The following KCND3 variants were observed in gnomAD, a reference collection of about 807,000 sequenced individuals.
KCND3 encodes the protein potassium voltage-gated channel subfamily D member 3, also known as A-type voltage-gated potassium channel KCND3.
A neutral mutation model predicts 51.1 loss-of-function variants in KCND3; 9 were observed. The ratio of observed to expected loss-of-function variants is 0.18; its 90% CI spans 0.11 to 0.31. The LOEUF is 0.31. KCND3 is among the 10% of genes least tolerant of loss of function. KCND3 has a pLI of 1.00. For missense variants in KCND3, 526 were observed against 903.8 expected (o/e 0.58, Z 5.36); for synonymous variants, 349 against 368.0 (o/e 0.95, Z 0.59).
intron 2 of KCND3, among the ~76,000 whole-genome samples, chr1:111,845,556 T>G (rs1250681023): frequency 6.7e-6 from 1 of 148,856 alleles, no homozygotes; most frequent in African/African-American, 2.4e-5. Context: ...CAGGGTCTCC[T>G]CCTGTTCTCA....
At chr1:111,852,077 C>G (rs942018423) in intron 2 of KCND3, among the ~76,000 whole-genome samples, 2 of 152,198 alleles carry the variant, frequency 1.3e-5, no homozygotes, top group Non-Finnish European at 1.5e-5. Context: ...GGTTTCTCCC[C>G]TGGAGGATGG....
At chr1:111,925,611 G>A (rs1377539709) in intron 2 of KCND3, among the ~76,000 whole-genome samples, 1 of 152,150 alleles carries the variant, frequency 6.6e-6, no homozygotes, top group African/African-American at 2.4e-5. Context: ...AATGGAACAA[G>A]AACACCTGCC....
chr1:111,899,391 A>G (rs777409607), intron 2 of KCND3, among the ~76,000 whole-genome samples: 31 of 152,328 alleles, frequency 2.0e-4, no homozygotes, highest in Non-Finnish European at 3.8e-4. Flanking sequence ...ATGAGCATCA[A>G]TTTGAAAATG....
chr1:111,833,874 T>C (rs145933383), intron 2 of KCND3, among the ~76,000 whole-genome samples: 2 of 151,952 alleles, frequency 1.3e-5, no homozygotes, highest in African/African-American at 4.8e-5. Flanking sequence ...AAAGAAAGAA[T>C]AAGGGAAACC....
intron 2 of KCND3, among the ~76,000 whole-genome samples, chr1:111,857,735 G>A (rs1668145239): frequency 6.6e-6 from 1 of 151,776 alleles, no homozygotes. Flanking sequence ...CACAGGTGCT[G>A]CCTCTGGGAG....
chr1:111,846,304 C>T (rs12754273), intron 2 of KCND3, among the ~76,000 whole-genome samples: 3,590 of 152,300 alleles, frequency 0.024, 72 homozygotes, highest in East Asian at 0.094. Flanking sequence ...GGCCACTGAA[C>T]ACACAGTTCC....
At chr1:111,809,458 A>G (rs1005655631) in intron 2 of KCND3, among the ~76,000 whole-genome samples, 8 of 151,734 alleles carry the variant, frequency 5.3e-5, no homozygotes, top group Non-Finnish European at 1.2e-4. Context: ...ACAGGCGCCC[A>G]CCACCACACC....
chr1:111,918,478 A>T (rs1429024942), intron 2 of KCND3, among the ~76,000 whole-genome samples: 1 of 152,162 alleles, frequency 6.6e-6, no homozygotes, highest in African/African-American at 2.4e-5. Flanking sequence ...AGATGAAAAG[A>T]CACAGTCCCA....
chr1:111,982,868 G>C lies in KCND3; in HGVS notation c.-72-70C>G. The C allele has an allele frequency of 8.3e-7, 1 of 1,198,254 alleles. No individual in the cohort carries two copies. Among genetic ancestry groups the C allele is most frequent in the Non-Finnish European group, 1.2e-6 (1 of 845,268 alleles). 74.2% of individuals were successfully genotyped at this position (1,198,254 alleles called of 1,614,324 possible). On this transcript the variant is annotated intron_variant, in intron 1 of 7. Transcript: ENST00000302127. This position sits in a 1 kb window ranked among gnomAD's most constrained non-coding sequence, Gnocchi z 8.5. ...ACTGGCAGGTAAGAAATGGGACACA[G>C]GAAAGGATCACTGGTGAGTGAAACG...
intron 2 of KCND3, among the ~76,000 whole-genome samples, chr1:111,960,851 CT>C (rs1334530743): frequency 1.3e-5 from 2 of 152,160 alleles, no homozygotes; most frequent in African/African-American, 4.8e-5. Context: ...GGTTTTAATT[CT>C]TCATCAGGAG....
rs530452518 is a variant in KCND3 at position 111,882,622 on chromosome 1, C to T, written c.1107-95516G>A. Among the ~76,000 whole-genome samples the T allele has an allele frequency of 3.8e-3, 581 of 152,090 alleles. 3 individuals carry two copies. The highest frequency in any genetic ancestry group is 5.2e-3 in the Non-Finnish European group (353 of 67,986). ...CTGAGGCTGGCTTCTGAGGTGTGGCCGGCTCAGTGCAGGGGGCGAGGGTGT... is the reference window on the plus strand; with the variant it reads ...CTGAGGCTGGCTTCTGAGGTGTGGCTGGCTCAGTGCAGGGGGCGAGGGTGT... On this transcript the variant is annotated intron_variant, in intron 2 of 7. Transcript: ENST00000302127.
chr1:111,967,566 C>A (rs949297492), intron 2 of KCND3, among the ~76,000 whole-genome samples: 31 of 152,322 alleles, frequency 2.0e-4, no homozygotes, highest in African/African-American at 7.2e-4. Flanking sequence ...GCCTCCCAGG[C>A]CTCTCTGCAG....
chr1:111,950,475 C>T (rs758109958), intron 2 of KCND3, among the ~76,000 whole-genome samples: 16 of 152,104 alleles, frequency 1.1e-4, no homozygotes, highest in Non-Finnish European at 1.6e-4. Flanking sequence ...GCTCTCCCCT[C>T]GATCCAGCCC....
intron 2 of KCND3, among the ~76,000 whole-genome samples, chr1:111,912,899 A>T (rs1671031983): frequency 1.3e-5 from 2 of 152,254 alleles, no homozygotes; most frequent in African/African-American, 4.8e-5. Context: ...AAAGTAAAAA[A>T]GTTACAGTCA....
intron 2 of KCND3, among the ~76,000 whole-genome samples, chr1:111,899,988 C>A (rs1420812949): frequency 2.0e-5 from 3 of 152,170 alleles, no homozygotes; most frequent in Non-Finnish European, 4.4e-5. Flanking sequence ...CGGGGCATTA[C>A]AAAGCAGTGA....
rs372412268 is a variant in KCND3 at position 111,801,288 on chromosome 1, A to G, written c.1107-14182T>C. On this transcript the variant is annotated intron_variant, in intron 2 of 7. Transcript: ENST00000302127. Reference sequence around the variant, plus strand: ...CTGTGCAGCACAGGCAGCATTGGCCAGAGTCAGACACCTTTATGCCCTGAC... The same window carrying G: ...CTGTGCAGCACAGGCAGCATTGGCCGGAGTCAGACACCTTTATGCCCTGAC... Among the ~76,000 whole-genome samples, 4 of 152,236 alleles carry G rather than the reference A, an allele frequency of 2.6e-5. No individual in the cohort carries two copies. In the East Asian group the frequency reaches 7.7e-4, roughly 29 times the overall value.
At chr1:111,858,742 C>T (rs1296255751) in intron 2 of KCND3, among the ~76,000 whole-genome samples, 1 of 152,040 alleles carries the variant, frequency 6.6e-6, no homozygotes, top group Non-Finnish European at 1.5e-5. Context: ...AGTGGTTGGT[C>T]ACTCTCCTAC....
chr1:111,863,917 A>G (rs1401242718), intron 2 of KCND3, among the ~76,000 whole-genome samples: 1 of 152,068 alleles, frequency 6.6e-6, no homozygotes, highest in Admixed American at 6.6e-5. Context: ...CTGGTCTAAG[A>G]GATACTGAGG....
intron 2 of KCND3, among the ~76,000 whole-genome samples, chr1:111,866,369 A>G (rs1668573930): frequency 6.7e-6 from 1 of 149,210 alleles, no homozygotes; most frequent in Non-Finnish European, 1.5e-5. Flanking sequence ...GGCTCAAGCC[A>G]ACCTCCCACC....
Sources: gnomAD v4.1 joint callset for allele counts (sites outside exome capture counted in the v4.1 genomes callset) on GRCh38, gnomAD v4.1.1 for gene constraint, Gnocchi (gnomAD v3.1) non-coding constraint, MANE v1.5 for transcripts, NCBI Gene and HGNC (gene_info 2026-07-23, HGNC 2026-07-21) for gene names.